CHRNA10: variants seen among roughly 807,000 people sequenced by gnomAD.
The protein encoded by CHRNA10 is neuronal acetylcholine receptor subunit alpha-10.
In CHRNA10, 31 loss-of-function variants were observed where a neutral mutation model predicts 36.0. That is an observed-to-expected ratio of 0.86 (90% CI 0.65 to 1.16). The LOEUF is 1.16. Ranked by LOEUF, CHRNA10 falls within the 50% of genes most tolerant of loss-of-function variation. The pLI is 0.00. For missense variants in CHRNA10, 648 were observed against 640.9 expected, an observed-to-expected ratio of 1.01 and a Z score of -0.12; for synonymous variants, 302 against 287.0, an observed-to-expected ratio of 1.05 and a Z score of -0.53.
Position 3,667,314 on chromosome 11 carries a change from G to T in CHRNA10, c.813C>A (p.Gly271=). ...PADSGEKVSL[G]VTVLLALTVF... ...CGGTGAGCGCCAGCAGCACGGTGAC[G>T]CCCAGCGACACCTTCTCGCCTGAGT... The change falls in exon 4 of 5, where the codon GGC becomes GGA. Residue 271 remains glycine, a synonymous_variant. Transcript: ENST00000250699. The T allele has an allele frequency of 6.3e-7, 1 of 1,599,044 alleles. No homozygotes were observed.
In CHRNA10 at chr11:3,666,347, C is replaced by A. The variant is rs768856023; in HGVS notation, c.1113G>T (p.Ser371=). Residue 371 remains serine, a synonymous_variant, in exon 5 of 5, where the codon TCG becomes TCT. Coordinates refer to ENST00000250699, the MANE Select transcript of CHRNA10 (RefSeq NM_020402.4). The stretch of plus-strand genomic sequence containing the variant: ...CTGGGGGGCCAGCCCCTCCTTCAGG[C>A]GACTGGGGGCTAGGAGATAACTCAG... ...RPPELSPSPQ[S]PEGGAGPPAG... The A allele has an allele frequency of 6.2e-7, 1 of 1,613,276 alleles. No individual in the cohort carries two copies. Among genetic ancestry groups the A allele is most frequent in the Non-Finnish European group, 8.5e-7 (1 of 1,179,886 alleles).
chr11:3,667,799 T>C (rs761159846), intron 3 of CHRNA10, 35 bp from the exon 4 acceptor site: 3 of 1,445,292 alleles, frequency 2.1e-6, no homozygotes, highest in Non-Finnish European at 2.7e-6. Context: ...ACCTAGGCTG[T>C]CCAGCCTGAG....
At chr11:3,671,003 C>G in intron 1 of CHRNA10, 2 of 564,638 alleles carry the variant, frequency 3.5e-6, no homozygotes, top group Non-Finnish European at 6.3e-6. Flanking sequence ...GGCCCTTCAA[C>G]ATCTGGCCCC....
At chr11:3,666,946 AAGTGCTTAGGGG>A (rs2077666896) in intron 4 of CHRNA10, among the ~76,000 whole-genome samples, 1 of 152,188 alleles carries the variant, frequency 6.6e-6, no homozygotes, top group African/African-American at 2.4e-5. Flanking sequence ...AATAAAGGTC[AAGTGCTTAGGGG>A]AGTGCCTGGC....
At chr11:3,671,101 C>T in intron 1 of CHRNA10, 151 bp downstream of exon 1, 2 of 786,114 alleles carry the variant, frequency 2.5e-6, no homozygotes, top group Non-Finnish European at 4.2e-6. Flanking sequence ...ACTTCAGCAC[C>T]CCTCTCCTCC....
At position 3,667,637 on chromosome 11, in the gene CHRNA10, C is replaced by T. The variant is rs1223114999; in HGVS notation, c.490G>A (p.Asp164Asn). 1.9e-6 allele frequency: 3 copies of T among 1,557,860 alleles called. No homozygotes were observed. Among genetic ancestry groups the T allele is most frequent in the Non-Finnish European group, 2.6e-6 (3 of 1,156,596 alleles). Residue 164 changes from aspartate to asparagine, a missense_variant, in exon 4 of 5, where the codon GAC becomes AAC. Asp to Asn is a conservative substitution (Grantham distance 23). Transcript: ENST00000250699. ...CRVDVAAFPF[D>N]AQHCGLTFGS... ...AACGTCAGGCCGCAGTGCTGGGCGT[C>T]GAACGGGAAGGCTGCTACATCCACG...
chr11:3,671,362 T>A lies in CHRNA10; in HGVS notation c.-50A>T, dbSNP rs770509856. 1.6e-5 allele frequency: 26 copies of A among 1,597,388 alleles called. No individual in the cohort carries two copies. Among genetic ancestry groups the A allele is most frequent in the Admixed American group, 5.0e-5 (3 of 59,560 alleles). ...GCAGGTCTCTGGATGTGAGGCCTCC[T>A]GGCCAGACCTAGGGCAAAATTAGGC... On this transcript the variant is annotated 5_prime_UTR_variant, in exon 1 of 5. Coordinates refer to ENST00000250699, the MANE Select transcript of CHRNA10 (RefSeq NM_020402.4).
At chr11:3,667,085 C>T (rs2077667963) in intron 4 of CHRNA10, 147 bp downstream of exon 4, 2 of 1,317,426 alleles carry the variant, frequency 1.5e-6, no homozygotes, top group East Asian at 2.6e-5. Flanking sequence ...ATCCTTTCCC[C>T]TCAGTCTTAA....
In CHRNA10 at chr11:3,666,355, G is replaced by A. The variant is rs1589929247; in HGVS notation, c.1105C>T (p.Pro369Ser). Reference protein sequence around the residue: ...QSRPPELSPSPQSPEGGAGPP... With the variant: ...QSRPPELSPSSQSPEGGAGPP... ...CCAGCCCCTCCTTCAGGCGACTGGGGGCTAGGAGATAACTCAGGTGGCCTG... is the reference window on the plus strand; with the variant it reads ...CCAGCCCCTCCTTCAGGCGACTGGGAGCTAGGAGATAACTCAGGTGGCCTG... Residue 369 changes from proline (P) to serine (S), a missense_variant, in exon 5 of 5, where the codon CCC (proline) becomes TCC (serine). Physicochemically the swap from Pro to Ser is moderately conservative, Grantham distance 74. Transcript: ENST00000250699. The A allele has an allele frequency of 1.2e-6, 2 of 1,613,514 alleles. No homozygotes were observed. Among genetic ancestry groups the A allele is most frequent in the Non-Finnish European group, 1.7e-6 (2 of 1,179,984 alleles).
In CHRNA10 at chr11:3,667,718, G is replaced by C. The variant is rs750755223; in HGVS notation, c.409C>G (p.Arg137Gly). Residue 137 changes from arginine to glycine, a missense_variant, in exon 4 of 5, where the codon CGC (arginine) becomes GGC (glycine). Transcript: ENST00000250699. ...PGSASTNVVL[R>G]HDGAVRWDAP... ...TCCCAGCGCACGGCGCCATCGTGGCGCAGGACCACGTTGGTGCTGGCGGAA... is the reference window on the plus strand; with the variant it reads ...TCCCAGCGCACGGCGCCATCGTGGCCCAGGACCACGTTGGTGCTGGCGGAA... 3.2e-6 allele frequency: 5 copies of C among 1,572,706 alleles called. No individual in the cohort carries two copies. In the African/African-American group the frequency reaches 6.8e-5, roughly 22 times the overall value.
rs767271907 is a variant in CHRNA10 at position 3,667,591 on chromosome 11, C to T, written c.536G>A (p.Gly179Glu). 6.4e-7 allele frequency: 1 copy of T among 1,556,546 alleles called. No individual in the cohort carries two copies. Among genetic ancestry groups the T allele is most frequent in the East Asian group, 2.4e-5 (1 of 41,862 alleles). Residue 179 changes from glycine (G) to glutamate (E), a missense_variant, in exon 4 of 5, where the codon GGG becomes GAG. Transcript: ENST00000250699. ...GLTFGSWTHG[G>E]HQLDVRPRGA... ...GCGCGGCCGCACATCCAGTTGGTGC[C>T]CGCCGTGAGTCCAGGAGCCGAACGT... is the stretch of plus-strand genomic sequence containing the variant.
intron 3 of CHRNA10, chr11:3,668,818 T>A (rs1360721939): frequency 6.1e-6 from 1 of 164,706 alleles, no homozygotes; most frequent in Non-Finnish European, 1.3e-5. Flanking sequence ...GACACGGAAC[T>A]GGTCAAGGAG....
chr11:3,666,209 C>T lies in CHRNA10; in HGVS notation c.1251G>A (p.Glu417=), dbSNP rs1464992338. 6.2e-7 allele frequency: 1 copy of T among 1,614,062 alleles called. No individual in the cohort carries two copies. The highest frequency in any genetic ancestry group is 1.1e-5 in the South Asian group (1 of 91,072). ...TCACACGGGCCAGGCGCTTCCAGTC[C>T]TCATGGCAGCGCTGGGCAGCTCGGT... The part of the protein sequence containing the change: ...RSHRAAQRCH[E]DWKRLARVMD... Residue 417 remains glutamate, a synonymous_variant, in exon 5 of 5, where the codon GAG becomes GAA. Coordinates refer to ENST00000250699, the MANE Select transcript of CHRNA10 (RefSeq NM_020402.4).
intron 4 of CHRNA10, 125 bp from the exon 5 acceptor site, chr11:3,666,689 G>A (rs2077665081): frequency 1.4e-6 from 1 of 715,682 alleles, no homozygotes; most frequent in Admixed American, 3.4e-5. Flanking sequence ...CAAGCCCCAT[G>A]GATGGAAGCA....
chr11:3,666,595 A>G (rs1564788631), intron 4 of CHRNA10, 31 bp from the exon 5 acceptor site: 1 of 1,490,764 alleles, frequency 6.7e-7, no homozygotes, highest in Non-Finnish European at 9.0e-7. Flanking sequence ...CAATTGACTC[A>G]AAACAAAAGC....
intron 3 of CHRNA10, chr11:3,668,509 T>C (rs1280519963): frequency 6.6e-6 from 1 of 152,174 alleles, no homozygotes; most frequent in Non-Finnish European, 1.5e-5. Flanking sequence ...CGAGACTGTG[T>C]CTCAAATAAA....
chr11:3,669,828 G>C lies in CHRNA10; in HGVS notation c.175C>G (p.Leu59Val). Residue 59 changes from leucine to valine, a missense_variant, in exon 2 of 5, where the codon CTG becomes GTG. Transcript: ENST00000250699. ...ATGATCTGGGACAGTGTCACCTCCAGGGTCACATTCAGAGTCTGGTCTGTG... is the reference window on the plus strand; with the variant it reads ...ATGATCTGGGACAGTGTCACCTCCACGGTCACATTCAGAGTCTGGTCTGTG... ...ADTDQTLNVT[L>V]EVTLSQIIDM... 1 of 1,614,156 alleles carries C rather than the reference G, an allele frequency of 6.2e-7. No individual in the cohort carries two copies. The highest frequency in any genetic ancestry group is 8.5e-7 in the Non-Finnish European group (1 of 1,180,014).
At position 3,667,579 on chromosome 11, in the gene CHRNA10, T is replaced by C; in HGVS notation, c.548A>G (p.Asp183Gly). Residue 183 changes from aspartate (D) to glycine (G), a missense_variant, in exon 4 of 5, where the codon GAT becomes GGT. Asp to Gly is a moderately conservative substitution (Grantham distance 94). Transcript: ENST00000250699. ...GSWTHGGHQL[D>G]VRPRGAAASL... is the part of the protein sequence containing the mutation. ...GGCTGCAGCGCCGCGCGGCCGCACATCCAGTTGGTGCCCGCCGTGAGTCCA... is the reference window on the plus strand; with the variant it reads ...GGCTGCAGCGCCGCGCGGCCGCACACCCAGTTGGTGCCCGCCGTGAGTCCA... 2 of 1,557,046 alleles carry C rather than the reference T, an allele frequency of 1.3e-6. No homozygotes were observed. Among genetic ancestry groups the C allele is most frequent in the Non-Finnish European group, 1.7e-6 (2 of 1,156,414 alleles).
rs772904315 is a variant in CHRNA10 at position 3,667,592 on chromosome 11, C to T, written c.535G>A (p.Gly179Arg). 14 of 1,556,304 alleles carry T rather than the reference C, an allele frequency of 9.0e-6. No homozygotes were observed. Among genetic ancestry groups the T allele is most frequent in the South Asian group, 2.3e-5 (2 of 86,420 alleles). ...GLTFGSWTHGGHQLDVRPRGA... is the reference protein window; with the variant it reads ...GLTFGSWTHGRHQLDVRPRGA... ...CGCGGCCGCACATCCAGTTGGTGCC[C>T]GCCGTGAGTCCAGGAGCCGAACGTC... Residue 179 changes from glycine to arginine, a missense_variant, in exon 4 of 5, where the codon GGG (glycine) becomes AGG (arginine). Coordinates refer to ENST00000250699, the MANE Select transcript of CHRNA10 (RefSeq NM_020402.4).
Sources: allele counts gnomAD v4.1 joint callset (sites outside exome capture counted in the v4.1 genomes callset), GRCh38; gene constraint gnomAD v4.1.1; transcripts MANE v1.5; gene names NCBI Gene and HGNC (gene_info 2026-07-23, HGNC 2026-07-21).